The following MAPK10 variants were observed in gnomAD, a reference collection of about 807,000 sequenced individuals.
MAPK10 encodes the protein mitogen-activated protein kinase 10.
In MAPK10, 25 loss-of-function variants were observed where a neutral mutation model predicts 59.3. The ratio of observed to expected loss-of-function variants is 0.42; its 90% confidence interval spans 0.31 to 0.59. The LOEUF (loss-of-function observed/expected upper bound fraction) is 0.59, where lower values mean the gene tolerates loss of function less well. Ranked by LOEUF, MAPK10 falls within the 20% of genes least tolerant of loss-of-function variation. The probability of loss-of-function intolerance (pLI) is 0.15; values close to 1 mark genes in which losing one functional copy is unlikely to be tolerated. For synonymous variants in MAPK10, 190 were observed against 200.5 expected (o/e 0.95, Z 0.44); for missense variants, 351 against 568.9 (o/e 0.62, Z 3.90).
Position 86,168,378 on chromosome 4 carries a change from G to A in MAPK10, c.67-8911C>T, listed in dbSNP as rs181918867. On this transcript the variant is annotated intron_variant, in intron 3 of 13. Transcript: ENST00000641462. ...CACCCTAATACTGTGCTTTTCCAAC[G>A]GGCTTAAAAAATGGTGCACCAGGAG... Among the ~76,000 whole-genome samples the A allele has an allele frequency of 1.2e-4, 19 of 152,312 alleles. No individual in the cohort carries two copies. The East Asian group carries it at 2.5e-3, about 20-fold the overall frequency.
At chr4:86,070,288 T>A (rs1422635958) in intron 9 of MAPK10, among the ~76,000 whole-genome samples, 2 of 152,172 alleles carry the variant, frequency 1.3e-5, no homozygotes, top group African/African-American at 4.8e-5. Flanking sequence ...TTTCTAGATG[T>A]TCATAGAATA....
At chr4:86,446,665 C>T (rs572428000) in intron 1 of MAPK10, among the ~76,000 whole-genome samples, 36 of 152,122 alleles carry the variant, frequency 2.4e-4, no homozygotes, top group Non-Finnish European at 3.1e-4. Context: ...AAAGTGGTTG[C>T]GCCAACTTGC....
chr4:86,273,272 G>C (rs2094485440), intron 2 of MAPK10, among the ~76,000 whole-genome samples: 1 of 151,802 alleles, frequency 6.6e-6, no homozygotes, highest in Admixed American at 6.6e-5. Context: ...CAAAAGAAAG[G>C]CAATTATTCT....
chr4:86,250,125 G>C (rs10516771), intron 2 of MAPK10, among the ~76,000 whole-genome samples: 9,649 of 152,212 alleles, frequency 0.063, 501 homozygotes, highest in African/African-American at 0.13. Context: ...TTAAGGTCTT[G>C]TCATAGTGAA....
At chr4:86,191,311 T>G (rs996420717) in intron 3 of MAPK10, among the ~76,000 whole-genome samples, 15 of 152,158 alleles carry the variant, frequency 9.9e-5, no homozygotes, top group African/African-American at 3.4e-4. Flanking sequence ...GTTAATTTTC[T>G]GCCTCGTTGA....
intron 1 of MAPK10, among the ~76,000 whole-genome samples, chr4:86,529,044 T>G (rs577252405): frequency 1.2e-4 from 19 of 152,266 alleles, no homozygotes; most frequent in African/African-American, 4.6e-4. Context: ...CTTCTGGGTG[T>G]GACCTCCTTT....
At chr4:86,099,025 GA>G (rs941179907) in intron 8 of MAPK10, 1 of 156,882 alleles carries the variant, frequency 6.4e-6, no homozygotes, top group Non-Finnish European at 1.4e-5. Context: ...CAGTTACAGA[GA>G]ATAGGGCAAC....
intron 1 of MAPK10, among the ~76,000 whole-genome samples, chr4:86,525,104 T>C (rs890832138): frequency 4.6e-5 from 7 of 152,028 alleles, no homozygotes; most frequent in African/African-American, 1.7e-4. Flanking sequence ...GAGACCAGCC[T>C]GGGCAACATG....
intron 4 of MAPK10, among the ~76,000 whole-genome samples, chr4:86,118,438 A>G (rs1443158023): frequency 1.3e-5 from 2 of 152,148 alleles, no homozygotes; most frequent in Non-Finnish European, 2.9e-5. Flanking sequence ...GGCATACAGT[A>G]CTAACACACC....
chr4:86,470,426 A>G (rs1361098981), intron 1 of MAPK10, among the ~76,000 whole-genome samples: 1 of 152,186 alleles, frequency 6.6e-6, no homozygotes, highest in Non-Finnish European at 1.5e-5. Flanking sequence ...ATATTTTAAC[A>G]TTTATGTCTT....
chr4:86,335,777 A>G (rs1720924130), intron 2 of MAPK10, among the ~76,000 whole-genome samples: 2 of 152,188 alleles, frequency 1.3e-5, no homozygotes, highest in South Asian at 4.1e-4. Flanking sequence ...GCGGCAAGAG[A>G]GAGAAGTGTA....
In MAPK10 at chr4:86,275,480, G is replaced by A. The variant is rs144898979; in HGVS notation, c.-7+79050C>T. On this transcript the variant is annotated intron_variant, in intron 2 of 13. Transcript: ENST00000641462. ...TAACATAAAATCATATTTTATCAACGTAGAAGACCCAAAAGACAGCAAATA... is the reference window on the plus strand; with the variant it reads ...TAACATAAAATCATATTTTATCAACATAGAAGACCCAAAAGACAGCAAATA... 6.1e-3 allele frequency among the ~76,000 whole-genome samples: 930 copies of A among 152,024 alleles called. 13 individuals are homozygous for A. The highest frequency in any genetic ancestry group is 0.021 in the African/African-American group (884 of 41,512).
In MAPK10 at chr4:86,103,235, A is replaced by C; in HGVS notation, c.376T>G (p.Leu126Val). 2 of 1,577,684 alleles carry C rather than the reference A, an allele frequency of 1.3e-6. No individual in the cohort carries two copies. Among genetic ancestry groups the C allele is most frequent in the Non-Finnish European group, 1.7e-6 (2 of 1,146,858 alleles). ...TTCTGGGGTGTGAAGACATTTAATA[A>C]ACTAATAATCTGAAAGAGAGTGGAA... ...KCVNHKNIIS[L>V]LNVFTPQKTL... Residue 126 changes from leucine (L) to valine (V), a missense_variant, in exon 6 of 14, where the codon TTA becomes GTA. This residue lies in a region of MAPK10 where 51 missense variants were observed against 72.7 expected (regional missense o/e 0.70). Transcript: ENST00000641462.
intron 2 of MAPK10, among the ~76,000 whole-genome samples, chr4:86,291,766 T>C (rs1172143142): frequency 4.6e-5 from 7 of 152,172 alleles, no homozygotes; most frequent in Non-Finnish European, 8.8e-5. Flanking sequence ...TAAATGCCCT[T>C]TGATTAAAAG....
intron 2 of MAPK10, among the ~76,000 whole-genome samples, chr4:86,205,784 C>A (rs1303383797): frequency 1.3e-5 from 2 of 151,840 alleles, no homozygotes; most frequent in African/African-American, 2.4e-5. Flanking sequence ...AAAACACACA[C>A]ATATATTTCA....
At chr4:86,130,623 A>G (rs1401884674) in intron 4 of MAPK10, among the ~76,000 whole-genome samples, 2 of 152,172 alleles carry the variant, frequency 1.3e-5, no homozygotes, top group Admixed American at 1.3e-4. Context: ...ATCAGCAGGG[A>G]AAGTAGATTA....
chr4:86,536,818 A>T (rs945977238), intron 1 of MAPK10, among the ~76,000 whole-genome samples: 7 of 152,234 alleles, frequency 4.6e-5, no homozygotes, highest in Non-Finnish European at 7.3e-5. Context: ...AAATGAAACC[A>T]TAAAGATCTA....
At chr4:86,413,410 G>A (rs923455073) in intron 1 of MAPK10, among the ~76,000 whole-genome samples, 6 of 152,316 alleles carry the variant, frequency 3.9e-5, no homozygotes, top group Middle Eastern at 3.4e-3. Flanking sequence ...GTGCTTGAAC[G>A]CCATGCTGGG....
intron 1 of MAPK10, among the ~76,000 whole-genome samples, chr4:86,521,930 T>G (rs1757141094): frequency 6.6e-6 from 1 of 152,230 alleles, no homozygotes; most frequent in Non-Finnish European, 1.5e-5. Flanking sequence ...TCCCCAGTTC[T>G]GCTGGCTGCC....
Sources: gnomAD v4.1 joint callset for allele counts (sites outside exome capture counted in the v4.1 genomes callset) on GRCh38, gnomAD v4.1.1 for gene constraint, gnomAD v4.1.1 regional missense constraint, MANE v1.5 for transcripts, NCBI Gene and HGNC (gene_info 2026-07-23, HGNC 2026-07-21) for gene names.